EIF3L: variants seen among roughly 807,000 people sequenced by gnomAD.
The protein encoded by EIF3L is eukaryotic translation initiation factor 3 subunit L.
Under a neutral mutation model 74.6 loss-of-function variants are expected in EIF3L, and 32 were observed. The observed-to-expected ratio is 0.43, with a 90% CI of 0.32 to 0.58. EIF3L has a LOEUF of 0.58. EIF3L is among the 20% of genes least tolerant of loss of function. EIF3L has a pLI of 0.06. For synonymous variants in EIF3L, 256 were observed against 254.4 expected, an observed-to-expected ratio of 1.01 and a Z score of -0.06; for missense variants, 474 against 707.8, an observed-to-expected ratio of 0.67 and a Z score of 3.75.
intron 7 of EIF3L, among the ~76,000 whole-genome samples, chr22:37,865,389 G>A (rs1167492909): frequency 6.6e-6 from 1 of 152,054 alleles, no homozygotes; most frequent in African/African-American, 2.4e-5. Flanking sequence ...GAACCCGAGA[G>A]GCAGAGCTTG....
rs547639634 is a variant in EIF3L, at chr22:37,870,628, TCA to T, written c.751+285_751+286del. 2.3e-3 allele frequency among the ~76,000 whole-genome samples: 345 copies of T among 152,346 alleles called. 2 individuals carry two copies. The highest frequency in any genetic ancestry group is 4.2e-3 in the Non-Finnish European group (288 of 68,032). On this transcript the variant is annotated intron_variant, in intron 8 of 12. Transcript: ENST00000652021. The stretch of plus-strand genomic sequence containing the variant: ...GTGCTTTTGTTTAGATAAGCACTTC[TCA>T]CACGTGTTGGTGTCAGAGCCACTTT...
intron 9 of EIF3L, among the ~76,000 whole-genome samples, chr22:37,875,617 GGATTA>G (rs1452485059): frequency 6.6e-6 from 1 of 152,076 alleles, no homozygotes; most frequent in Admixed American, 6.6e-5. Context: ...GAGATTTTAG[GGATTA>G]CCTGATCCAG....
intron 5 of EIF3L, among the ~76,000 whole-genome samples, chr22:37,859,066 T>C (rs1925698659): frequency 6.6e-6 from 1 of 151,548 alleles, no homozygotes; most frequent in Admixed American, 6.6e-5. Flanking sequence ...TTGGGGTTCT[T>C]TTTCCCTTCA....
intron 8 of EIF3L, among the ~76,000 whole-genome samples, chr22:37,870,630 A>G (rs1407968960): frequency 6.6e-6 from 1 of 151,478 alleles, no homozygotes; most frequent in East Asian, 1.9e-4. Flanking sequence ...AGCACTTCTC[A>G]CACGTGTTGG....
chr22:37,874,411 C>T lies in EIF3L; in HGVS notation c.793C>T (p.Leu265Phe). 2 of 1,614,144 alleles carry T rather than the reference C, an allele frequency of 1.2e-6. No homozygotes were observed. Among genetic ancestry groups the T allele is most frequent in the Non-Finnish European group, 1.7e-6 (2 of 1,180,012 alleles). ...GGCTGGGGAGTATGGGCGGCACTCC[C>T]TCTACAAAATGCTTGGTTACTTCAG... ...SVAGEYGRHS[L>F]YKMLGYFSLV... Residue 265 changes from leucine (L) to phenylalanine (F), a missense_variant, in exon 9 of 13, where the codon CTC becomes TTC. By Grantham distance (22) the Leu-to-Phe change is conservative. Coordinates refer to ENST00000652021, the MANE Select transcript of EIF3L (RefSeq NM_016091.4).
chr22:37,874,275 C>A, intron 8 of EIF3L, 95 bp from the exon 9 acceptor site: 1 of 1,321,246 alleles, frequency 7.6e-7, no homozygotes, highest in Non-Finnish European at 1.0e-6. Context: ...TCAAGGCTGG[C>A]AGTAGGTGAG....
chr22:37,874,936 G>A (rs1926666217), intron 9 of EIF3L, among the ~76,000 whole-genome samples: 2 of 147,040 alleles, frequency 1.4e-5, no homozygotes, highest in African/African-American at 5.0e-5. Context: ...GTAGAGTTGG[G>A]GTTTCACCGT....
chr22:37,868,788 A>T (rs1926318776), intron 7 of EIF3L, among the ~76,000 whole-genome samples: 1 of 151,618 alleles, frequency 6.6e-6, no homozygotes, highest in Non-Finnish European at 1.5e-5. Context: ...GATTACAGGC[A>T]TGTATCACTG....
chr22:37,857,386 A>AC (rs975204049), intron 4 of EIF3L, among the ~76,000 whole-genome samples: 4 of 151,102 alleles, frequency 2.6e-5, no homozygotes, highest in Admixed American at 6.6e-5. Context: ...AAAAAAAAAA[A>AC]AAAAAACCAA....
chr22:37,860,132 C>G (rs887596148), intron 5 of EIF3L, among the ~76,000 whole-genome samples: 1 of 152,228 alleles, frequency 6.6e-6, no homozygotes, highest in African/African-American at 2.4e-5. Context: ...AGCATCTGCA[C>G]TTGGCTGTCT....
chr22:37,862,272 C>A (rs1052182971), intron 5 of EIF3L, among the ~76,000 whole-genome samples: 1 of 152,176 alleles, frequency 6.6e-6, no homozygotes, highest in African/African-American at 2.4e-5. Flanking sequence ...ATCACAAATA[C>A]ATTGCTCATG....
intron 4 of EIF3L, among the ~76,000 whole-genome samples, chr22:37,856,750 A>G (rs929685766): frequency 6.6e-6 from 1 of 151,420 alleles, no homozygotes. Context: ...AGGTGGAGGC[A>G]GGAGAATCAC....
chr22:37,874,122 A>C (rs547324690), intron 8 of EIF3L, among the ~76,000 whole-genome samples: 2 of 152,084 alleles, frequency 1.3e-5, no homozygotes, highest in East Asian at 3.8e-4. Flanking sequence ...GGGCCTTTGC[A>C]TGTGTTGGGA....
At chr22:37,871,823 C>T (rs768485860) in intron 8 of EIF3L, among the ~76,000 whole-genome samples, 2 of 146,428 alleles carry the variant, frequency 1.4e-5, no homozygotes, top group African/African-American at 2.5e-5. Context: ...GAGCCGAGAT[C>T]GCACCACTGC....
chr22:37,866,710 T>A (rs980053272), intron 7 of EIF3L, among the ~76,000 whole-genome samples: 1 of 152,008 alleles, frequency 6.6e-6, no homozygotes, highest in Admixed American at 6.6e-5. Context: ...CGCTTGAACC[T>A]GGGAGGTGGA....
chr22:37,876,173 C>A, intron 10 of EIF3L, 162 bp downstream of exon 10: 1 of 701,804 alleles, frequency 1.4e-6, no homozygotes, highest in South Asian at 2.0e-5. Context: ...ATAGATCACC[C>A]AGCTGGAGTG....
Position 37,874,413 on chromosome 22 carries a change from C to T in EIF3L, c.795C>T (p.Leu265=). 1 of 1,614,130 alleles carries T rather than the reference C, an allele frequency of 6.2e-7. No homozygotes were observed. The highest frequency in any genetic ancestry group is 8.5e-7 in the Non-Finnish European group (1 of 1,180,006). The change falls in exon 9 of 13, where the codon CTC becomes CTT. Residue 265 remains leucine (L), a synonymous_variant. Transcript: ENST00000652021. ...CTGGGGAGTATGGGCGGCACTCCCT[C>T]TACAAAATGCTTGGTTACTTCAGCC... ...SVAGEYGRHS[L]YKMLGYFSLV... is the part of the protein sequence containing the mutation.
At chr22:37,881,856 CA>C (rs1927065962) in intron 11 of EIF3L, 2 of 152,130 alleles carry the variant, frequency 1.3e-5, no homozygotes, top group Non-Finnish European at 2.9e-5. Context: ...TAATATCCTG[CA>C]TTTTTAATTG....
intron 7 of EIF3L, among the ~76,000 whole-genome samples, chr22:37,868,137 CAG>C (rs1376857327): frequency 3.6e-5 from 4 of 111,846 alleles, no homozygotes; most frequent in Admixed American, 1.1e-4. Flanking sequence ...TTTTTTGAGA[CAG>C]AGTCTCGCTC....
Sources: gnomAD v4.1 joint callset for allele counts (sites outside exome capture counted in the v4.1 genomes callset) on GRCh38, gnomAD v4.1.1 for gene constraint, MANE v1.5 for transcripts, NCBI Gene and HGNC (gene_info 2026-07-23, HGNC 2026-07-21) for gene names.